MB21D2: variants seen among roughly 807,000 people sequenced by gnomAD.
MB21D2 encodes the protein Mab-21 domain containing 2.
Under a neutral mutation model 33.3 loss-of-function variants are expected in MB21D2, and 9 were observed. The ratio of observed to expected loss-of-function variants is 0.27; its 90% CI spans 0.16 to 0.47. The LOEUF (loss-of-function observed/expected upper bound fraction) is 0.47, where lower values mean the gene tolerates loss of function less well. Among genes scored for constraint, MB21D2 ranks in the 20% least tolerant of loss-of-function variants. MB21D2 has a pLI of 0.99. For synonymous variants in MB21D2, 241 were observed against 236.3 expected, an observed-to-expected ratio of 1.02 and a Z score of -0.18; for missense variants, 540 against 624.6, an observed-to-expected ratio of 0.86 and a Z score of 1.44.
chr3:192,881,063 G>T (rs1020615208), intron 1 of MB21D2, among the ~76,000 whole-genome samples: 5 of 152,070 alleles, frequency 3.3e-5, no homozygotes, highest in Admixed American at 1.3e-4. Context: ...TCCAAAAATT[G>T]TTCACAGTAA....
At chr3:192,826,892 CTTCTTT>C (rs1712184050) in intron 1 of MB21D2, among the ~76,000 whole-genome samples, 1 of 151,480 alleles carries the variant, frequency 6.6e-6, no homozygotes, top group Non-Finnish European at 1.5e-5. Flanking sequence ...TTTCCCTTTC[CTTCTTT>C]TTTTTTTTTT....
chr3:192,891,852 T>C (rs1269683449), intron 1 of MB21D2, among the ~76,000 whole-genome samples: 1 of 152,016 alleles, frequency 6.6e-6, no homozygotes. Context: ...ATGTGATCCA[T>C]GAGAAAAGAA....
At chr3:192,854,375 C>T (rs1186821859) in intron 1 of MB21D2, among the ~76,000 whole-genome samples, 1 of 152,186 alleles carries the variant, frequency 6.6e-6, no homozygotes, top group Admixed American at 6.5e-5. Flanking sequence ...CCCTAACTCT[C>T]TTCAATTCTC....
At chr3:192,878,471 CT>C (rs1473731031) in intron 1 of MB21D2, among the ~76,000 whole-genome samples, 2 of 152,196 alleles carry the variant, frequency 1.3e-5, no homozygotes, top group Non-Finnish European at 2.9e-5. Context: ...AGAATAAAGA[CT>C]TATTCAGCAG....
chr3:192,820,179 T>C (rs578093003), intron 1 of MB21D2, among the ~76,000 whole-genome samples: 1 of 152,188 alleles, frequency 6.6e-6, no homozygotes, highest in East Asian at 1.9e-4. Flanking sequence ...AGAGCTAAGA[T>C]GTATAAAAGT....
chr3:192,886,455 C>A (rs1182024514), intron 1 of MB21D2, among the ~76,000 whole-genome samples: 1 of 152,094 alleles, frequency 6.6e-6, no homozygotes, highest in Non-Finnish European at 1.5e-5. Flanking sequence ...CTCATTTATC[C>A]ATCAGCCACC....
intron 1 of MB21D2, among the ~76,000 whole-genome samples, chr3:192,828,629 T>TTTTGAG (rs1560232843): frequency 2.3e-4 from 9 of 39,610 alleles, no homozygotes; most frequent in African/African-American, 9.2e-4. Context: ...TATATATATA[T>TTTTGAG]ATATATATAT....
At position 192,849,316 on chromosome 3, in the gene MB21D2, T is replaced by TTGGG. The variant is rs1394136617; in HGVS notation, c.212-49667_212-49666insCCCA. Among the ~76,000 whole-genome samples the TTGGG allele has an allele frequency of 8.4e-4, 77 of 92,184 alleles. 4 individuals are homozygous for TTGGG. In the East Asian group the frequency reaches 0.012, roughly 15 times the overall value. 60.5% of individuals were successfully genotyped at this position (92,184 alleles called of 152,430 possible). ...TGCAAGTTTTTCACGTCTCTTTTTT[T>TTGGG]GGGGGGGGGGCGGGGGGTGGGGGTG... is the stretch of plus-strand genomic sequence containing the variant. On this transcript the variant is annotated intron_variant, in intron 1 of 1. Coordinates refer to ENST00000392452, the MANE Select transcript of MB21D2 (RefSeq NM_178496.4).
At chr3:192,892,329 A>G (rs1420914967) in intron 1 of MB21D2, among the ~76,000 whole-genome samples, 1 of 152,208 alleles carries the variant, frequency 6.6e-6, no homozygotes, top group Admixed American at 6.5e-5. Flanking sequence ...TGGGTCTTTG[A>G]ATTAATAACC....
At chr3:192,872,335 G>C (rs1224366446) in intron 1 of MB21D2, among the ~76,000 whole-genome samples, 2 of 152,142 alleles carry the variant, frequency 1.3e-5, no homozygotes, top group African/African-American at 4.8e-5. Flanking sequence ...CCAGCACTTT[G>C]GGAGGCCGAG....
At chr3:192,914,668 G>A (rs1360995465) in intron 1 of MB21D2, among the ~76,000 whole-genome samples, 1 of 152,014 alleles carries the variant, frequency 6.6e-6, no homozygotes, top group African/African-American at 2.4e-5. Context: ...AGGTACAGAG[G>A]AATAAGAAGT....
chr3:192,836,586 C>A (rs887297829), intron 1 of MB21D2, among the ~76,000 whole-genome samples: 3 of 152,194 alleles, frequency 2.0e-5, no homozygotes, highest in African/African-American at 7.2e-5. Context: ...GAGGACACAG[C>A]AAGCAGGCGG....
intron 1 of MB21D2, among the ~76,000 whole-genome samples, chr3:192,899,501 C>A (rs1215181241): frequency 6.6e-6 from 1 of 152,030 alleles, no homozygotes; most frequent in Non-Finnish European, 1.5e-5. Flanking sequence ...TGCACTCCAG[C>A]CTGGGTGACA....
chr3:192,811,224 A>G (rs1711781750), intron 1 of MB21D2, among the ~76,000 whole-genome samples: 1 of 152,204 alleles, frequency 6.6e-6, no homozygotes, highest in South Asian at 2.1e-4. Context: ...GAACCCATTC[A>G]ATAGCTTATT....
chr3:192,875,813 A>T (rs1042623788), intron 1 of MB21D2, among the ~76,000 whole-genome samples: 1 of 152,178 alleles, frequency 6.6e-6, no homozygotes, highest in Non-Finnish European at 1.5e-5. Context: ...ATCAAATGAG[A>T]TTTATGGCCC....
Position 192,871,330 on chromosome 3 carries a change from T to C in MB21D2, c.211+46300A>G, listed in dbSNP as rs1577190681. ...GTTATTTAGGGGTTGATGGACCTAC[T>C]AAATATAGATTACTTATGCCAAAAA... is the stretch of plus-strand genomic sequence containing the variant. On this transcript the variant is annotated intron_variant, in intron 1 of 1. Coordinates refer to ENST00000392452, the MANE Select transcript of MB21D2 (RefSeq NM_178496.4). Among the ~76,000 whole-genome samples the C allele has an allele frequency of 5.3e-5, 8 of 152,348 alleles. 1 individual carries two copies. The Middle Eastern group carries it at 0.027, about 518-fold the overall frequency.
chr3:192,838,096 T>C (rs1442910803), intron 1 of MB21D2, among the ~76,000 whole-genome samples: 1 of 152,210 alleles, frequency 6.6e-6, no homozygotes, highest in Non-Finnish European at 1.5e-5. Flanking sequence ...CTGCAGCCAT[T>C]TGAAGGCTTG....
intron 1 of MB21D2, among the ~76,000 whole-genome samples, chr3:192,854,026 C>A (rs1184904522): frequency 6.6e-6 from 1 of 152,206 alleles, no homozygotes; most frequent in Non-Finnish European, 1.5e-5. Context: ...TGGGACATAA[C>A]AACTTTGAAG....
At chr3:192,834,592 T>C (rs1712393674) in intron 1 of MB21D2, among the ~76,000 whole-genome samples, 1 of 152,068 alleles carries the variant, frequency 6.6e-6, no homozygotes, top group African/African-American at 2.4e-5. Flanking sequence ...CTGAGGTTTC[T>C]TAGCCCCTCC....
Sources: gnomAD v4.1 joint callset for allele counts (sites outside exome capture counted in the v4.1 genomes callset) on GRCh38, gnomAD v4.1.1 for gene constraint, MANE v1.5 for transcripts, NCBI Gene and HGNC (gene_info 2026-07-23, HGNC 2026-07-21) for gene names.